Variants in TP53I13 observed in about 807,000 individuals in gnomAD.
TP53I13 encodes tumor protein p53 inducible protein 13.
Under a neutral mutation model 39.1 loss-of-function variants are expected in TP53I13, and 27 were observed. The observed-to-expected ratio is 0.69, with a 90% CI of 0.51 to 0.95. The LOEUF (loss-of-function observed/expected upper bound fraction) is 0.95. TP53I13 is among the 40% of genes least tolerant of loss of function. The pLI is 0.00. For synonymous variants in TP53I13, 230 were observed against 224.6 expected (o/e 1.02, Z -0.22); for missense variants, 544 against 520.4 (o/e 1.05, Z -0.44).
chr17:29,566,863 T>C (rs2094478888), upstream of TP53I13: 1 of 1,505,194 alleles, frequency 6.6e-7, no homozygotes, highest in Non-Finnish European at 8.8e-7. Context: ...CAGGGTCCTC[T>C]CTCCGACGGC....
At chr17:29,578,958 A>T in the TP53I13 span, 1 of 1,613,728 alleles carries the variant, frequency 6.2e-7, no homozygotes, top group Non-Finnish European at 8.5e-7. Flanking sequence ...CAGGCACCAT[A>T]TACCTCTGAG....
At chr17:29,575,778 G>A (rs2033171180), downstream of TP53I13, 2 of 1,610,316 alleles carry the variant, frequency 1.2e-6, no homozygotes, top group African/African-American at 2.7e-5. The surrounding 1 kb of genome is among the most constrained non-coding windows in gnomAD (Gnocchi z 5.5). Flanking sequence ...ACGGCCCCCA[G>A]CCACCCTGTG....
upstream of TP53I13, chr17:29,567,011 C>G (rs2032734058): frequency 1.6e-6 from 2 of 1,264,336 alleles, no homozygotes; most frequent in Non-Finnish European, 2.0e-6. The surrounding 1 kb of genome is among the most constrained non-coding windows in gnomAD (Gnocchi z 6.6). Context: ...GCGGGGCCGT[C>G]TACTCGGCGA....
In TP53I13 at chr17:29,572,034, C is replaced by G. The variant is rs1252507873; in HGVS notation, c.490C>G (p.Leu164Val). Residue 164 changes from leucine to valine, a missense_variant, in exon 5 of 7, where the codon CTG (leucine) becomes GTG (valine). Physicochemically the swap from Leu to Val is conservative, Grantham distance 32 (BLOSUM62 1). Transcript: ENST00000301057. ...PSEPTPGRGR[L>V]CRRGCVQALA... Reference sequence around the variant, plus strand: ...CGAGCCAACTCCCGGTAGAGGGAGGCTGTGCCGAAGAGGGTGTGTGCAGGT... The same window carrying G: ...CGAGCCAACTCCCGGTAGAGGGAGGGTGTGCCGAAGAGGGTGTGTGCAGGT... The G allele has an allele frequency of 3.1e-6, 5 of 1,613,188 alleles. No individual in the cohort carries two copies. The highest frequency in any genetic ancestry group is 1.1e-5 in the South Asian group (1 of 91,082).
chr17:29,574,885 T>C (rs11548560), downstream of TP53I13: 32,086 of 1,575,840 alleles, frequency 0.02, 375 homozygotes, highest in Middle Eastern at 0.025. Context: ...GCAGCCGCAG[T>C]GAGCTCCGCA....
Position 29,572,529 on chromosome 17 carries a change from C to CG in TP53I13, c.905dup (p.Thr304HisfsTer5). ...CGCAGCAGCGCCTCCACGGGCAGCC[C>CG]GGGGCCCCACCCCACGCACTGAAGA... On this transcript the variant is annotated frameshift_variant, in exon 6 of 7. Coordinates refer to ENST00000301057, the MANE Select transcript of TP53I13 (RefSeq NM_138349.4). LOFTEE classifies it high-confidence loss of function. 6.2e-7 allele frequency: 1 copy of CG among 1,608,062 alleles called. No individual in the cohort carries two copies. Among genetic ancestry groups the CG allele is most frequent in the Non-Finnish European group, 8.5e-7 (1 of 1,177,848 alleles).
chr17:29,579,084 C>T, the TP53I13 span: 1 of 1,058,014 alleles, frequency 9.5e-7, no homozygotes, highest in Non-Finnish European at 1.5e-6. Flanking sequence ...CAGGCCCAGA[C>T]CCATCTCCAC....
chr17:29,577,220 C>T, downstream of TP53I13: 1 of 1,613,896 alleles, frequency 6.2e-7, no homozygotes, highest in Non-Finnish European at 8.5e-7. Flanking sequence ...AACTCTCGGG[C>T]ATTAAAGCGG....
At position 29,571,657 on chromosome 17, in the gene TP53I13, C is replaced by T. The variant is rs372710484; in HGVS notation, c.250C>T (p.Leu84=). The T allele has an allele frequency of 4.6e-5, 74 of 1,614,066 alleles. No homozygotes were observed. Among genetic ancestry groups the T allele is most frequent in the Non-Finnish European group, 6.2e-5 (73 of 1,180,034 alleles). ...HPWLKLQLAL[L]AYACMANPSL... is the part of the protein sequence containing the mutation. The stretch of plus-strand genomic sequence containing the variant: ...CTGGCTGAAGCTCCAGCTTGCCCTC[C>T]TGGCCTATGCTTGTATGGCTAACCC... The change falls in exon 4 of 7, where the codon CTG becomes TTG. Residue 84 remains leucine, a synonymous_variant. Coordinates refer to ENST00000301057, the MANE Select transcript of TP53I13 (RefSeq NM_138349.4).
chr17:29,582,289 TC>T, the TP53I13 span: 5 of 634,356 alleles, frequency 7.9e-6, no homozygotes, highest in Non-Finnish European at 1.1e-5. Context: ...GACAGAGGCT[TC>T]CCGCTAGGGG....
downstream of TP53I13, chr17:29,575,684 C>T: frequency 1.2e-6 from 2 of 1,612,590 alleles, no homozygotes; most frequent in Non-Finnish European, 1.7e-6. The surrounding 1 kb of genome is among the most constrained non-coding windows in gnomAD (Gnocchi z 5.5). Flanking sequence ...GGCTCCACTG[C>T]CGTGGCGGGA....
At chr17:29,579,756 C>T in the TP53I13 span, among the ~76,000 whole-genome samples, 1 of 151,902 alleles carries the variant, frequency 6.6e-6, no homozygotes, top group Admixed American at 6.6e-5. Context: ...ATTTTGCATA[C>T]ATTCTTATCT....
rs754960201 is a variant in TP53I13, at chr17:29,571,852, C to A, written c.313-5C>A. On this transcript the variant is annotated splice_region_variant and splice_polypyrimidine_tract_variant and intron_variant, in intron 4 of 6. Coordinates refer to ENST00000301057, the MANE Select transcript of TP53I13 (RefSeq NM_138349.4). ...CGTAGCTCTAACAGTTACCTCCTCT[C>A]GTAGCCCCTGGTGCTGACTGCATGG... is the stretch of plus-strand genomic sequence containing the variant. 3.1e-6 allele frequency: 5 copies of A among 1,613,178 alleles called. No homozygotes were observed. Among genetic ancestry groups the A allele is most frequent in the Admixed American group, 1.7e-5 (1 of 60,014 alleles).
upstream of TP53I13, chr17:29,566,530 C>A: frequency 6.2e-7 from 1 of 1,610,770 alleles, no homozygotes; most frequent in Non-Finnish European, 8.5e-7. Flanking sequence ...CCGGCGGCCC[C>A]GAACACAAGG....
downstream of TP53I13, among the ~76,000 whole-genome samples, chr17:29,577,987 A>T (rs1293427325): frequency 1.3e-5 from 2 of 152,246 alleles, no homozygotes; most frequent in Admixed American, 1.3e-4. Context: ...TTGGGCTGGA[A>T]TCCGGCTGTG....
the TP53I13 span, chr17:29,581,305 G>T: frequency 6.4e-7 from 1 of 1,572,522 alleles, no homozygotes; most frequent in Admixed American, 1.7e-5. This position sits in a 1 kb window ranked among gnomAD's most constrained non-coding sequence, Gnocchi z 4.8. Flanking sequence ...GCATCCAACA[G>T]CCTCTGGAAA....
At chr17:29,578,826 G>A in the TP53I13 span, 9 of 1,595,526 alleles carry the variant, frequency 5.6e-6, no homozygotes, top group Non-Finnish European at 7.7e-6. Context: ...AGAGACCTGA[G>A]AGGTGGCCAG....
At chr17:29,566,912 C>G, upstream of TP53I13, 2 of 1,487,462 alleles carry the variant, frequency 1.3e-6, no homozygotes, top group Middle Eastern at 2.3e-4. Flanking sequence ...CCGAGCAGGC[C>G]GAGAAGGGCG....
Position 29,569,004 on chromosome 17 carries a change from C to T in TP53I13, c.73-14C>T. ...CCGCGTCCAGCGCCCCAACTCTTCG[C>T]TTTGGACCCACAGGTGATGGCTGGA... On this transcript the variant is annotated splice_polypyrimidine_tract_variant and intron_variant, in intron 1 of 6. Coordinates refer to ENST00000301057, the MANE Select transcript of TP53I13 (RefSeq NM_138349.4). The T allele has an allele frequency of 3.1e-6, 5 of 1,607,768 alleles. No individual in the cohort carries two copies. In the South Asian group the frequency reaches 5.6e-5, roughly 18 times the overall value.
Sources: allele counts gnomAD v4.1 joint callset (sites outside exome capture counted in the v4.1 genomes callset), GRCh38; gene constraint gnomAD v4.1.1; non-coding constraint Gnocchi (gnomAD v3.1); transcripts MANE v1.5; gene names NCBI Gene and HGNC (gene_info 2026-07-23, HGNC 2026-07-21).